RBM26: variants seen among roughly 807,000 people sequenced by gnomAD.
The protein encoded by RBM26 is RNA-binding protein 26.
A neutral mutation model predicts 123.6 loss-of-function variants in RBM26; 30 were observed. That is an observed-to-expected ratio of 0.24 (90% CI 0.18 to 0.33). The LOEUF is 0.33. Among genes scored for constraint, RBM26 ranks in the 10% least tolerant of loss-of-function variants. The pLI is 1.00. For synonymous variants in RBM26, 400 were observed against 404.4 expected, an observed-to-expected ratio of 0.99 and a Z score of 0.13; for missense variants, 947 against 1,203.6, an observed-to-expected ratio of 0.79 and a Z score of 3.15.
chr13:79,331,964 T>C (rs1317499515), intron 20 of RBM26, among the ~76,000 whole-genome samples: 3 of 152,198 alleles, frequency 2.0e-5, no homozygotes. Flanking sequence ...GCTAACAGTG[T>C]TCTGCTTATA....
chr13:79,355,118 G>A, intron 12 of RBM26, 102 bp downstream of exon 12: 1 of 1,029,438 alleles, frequency 9.7e-7, no homozygotes, highest in South Asian at 1.6e-5. Context: ...CAGAACCAGG[G>A]TATGAACTCA....
chr13:79,346,238 C>A (rs1462845287), intron 14 of RBM26, among the ~76,000 whole-genome samples: 1 of 152,044 alleles, frequency 6.6e-6, no homozygotes. Context: ...CATCACAAAT[C>A]GCTATTCTAA....
chr13:79,352,621 T>TA (rs1354290661), intron 14 of RBM26, among the ~76,000 whole-genome samples: 1 of 152,172 alleles, frequency 6.6e-6, no homozygotes, highest in Non-Finnish European at 1.5e-5. Context: ...GTGAAAAACT[T>TA]ACATTTACAT....
intron 20 of RBM26, among the ~76,000 whole-genome samples, chr13:79,332,012 G>T (rs2069504869): frequency 6.6e-6 from 1 of 152,082 alleles, no homozygotes; most frequent in Admixed American, 6.6e-5. Flanking sequence ...TTTTCCTGAG[G>T]AAAACTTCTC....
intron 9 of RBM26, among the ~76,000 whole-genome samples, chr13:79,363,528 T>C (rs1425208291): frequency 1.3e-5 from 2 of 152,092 alleles, no homozygotes; most frequent in African/African-American, 4.8e-5. Context: ...CTAAACTAGC[T>C]AACAAAAATG....
intron 1 of RBM26, among the ~76,000 whole-genome samples, chr13:79,380,496 T>TAA (rs71745215): frequency 0.061 from 8,979 of 147,294 alleles, 305 homozygotes; most frequent in Middle Eastern, 0.23. Context: ...GGAAAGTTTT[T>TAA]AAAAAAAAAA....
At chr13:79,345,028 G>A (rs1187232355) in intron 14 of RBM26, among the ~76,000 whole-genome samples, 1 of 151,796 alleles carries the variant, frequency 6.6e-6, no homozygotes, top group Non-Finnish European at 1.5e-5. Context: ...AGAAAAAAAA[G>A]TAAAGAAAAA....
chr13:79,360,569 C>T (rs143010410), intron 9 of RBM26, among the ~76,000 whole-genome samples: 2 of 151,904 alleles, frequency 1.3e-5, no homozygotes, highest in Non-Finnish European at 2.9e-5. Flanking sequence ...AAATCAAATG[C>T]ACAATCTAAA....
rs573827455 is a variant in RBM26 at position 79,335,462 on chromosome 13, C to A, written c.2734-1032G>T. 2.6e-5 allele frequency among the ~76,000 whole-genome samples: 4 copies of A among 152,140 alleles called. No homozygotes were observed. In the East Asian group the frequency reaches 5.8e-4, roughly 22 times the overall value. ...ATTTTTATTACTATTACTACTGGTA[C>A]TGGAAGATACAGCATTTTTGTTAAT... On this transcript the variant is annotated intron_variant, in intron 19 of 21. Transcript: ENST00000438737.
chr13:79,342,306 T>C (rs1288674692), intron 17 of RBM26, among the ~76,000 whole-genome samples: 1 of 151,838 alleles, frequency 6.6e-6, no homozygotes, highest in Non-Finnish European at 1.5e-5. Flanking sequence ...ATCCACCGTG[T>C]ACGGTGTTGT....
In RBM26 at chr13:79,405,775, C is replaced by G. The variant is rs773429248; in HGVS notation, c.-1G>C. 3.2e-6 allele frequency: 5 copies of G among 1,582,212 alleles called. No homozygotes were observed. The highest frequency in any genetic ancestry group is 1.7e-4 in the Middle Eastern group (1 of 5,956). ...TTTCAATGATCATTTTAGAAACCAT[C>G]CACAGCGGCCCTAAGGCCCGTCACA... is the stretch of plus-strand genomic sequence containing the variant. On this transcript the variant is annotated 5_prime_UTR_variant, in exon 1 of 22. Coordinates refer to ENST00000438737, the MANE Select transcript of RBM26 (RefSeq NM_001366735.2).
At chr13:79,404,235 C>T (rs2140619985) in intron 1 of RBM26, among the ~76,000 whole-genome samples, 1 of 152,268 alleles carries the variant, frequency 6.6e-6, no homozygotes, top group Non-Finnish European at 1.5e-5. Context: ...CTAATATCAC[C>T]CATTCTGTTG....
chr13:79,338,463 T>C (rs1300383609), intron 18 of RBM26, among the ~76,000 whole-genome samples: 1 of 151,962 alleles, frequency 6.6e-6, no homozygotes, highest in Non-Finnish European at 1.5e-5. Context: ...AAGAATGAGG[T>C]AGGGGTTACG....
rs2079503005 is a variant in RBM26, at chr13:79,406,083, CGCTTAGACCCGAGCCTTCTCTCA to C, written c.-332_-310del. 1 of 225,644 alleles carries C rather than the reference CGCTTAGACCCGAGCCTTCTCTCA, an allele frequency of 4.4e-6. No homozygotes were observed. The highest frequency in any genetic ancestry group is 2.3e-5 in the African/African-American group (1 of 43,656). The allele number at this position is 225,644 out of a possible 1,614,324, so 14.0% of individuals were successfully genotyped here. ...CTACCCAGACCGGAAGCGCGACACG[CGCTTAGACCCGAGCCTTCTCTCA>C]GCCTCGGGACCAGGTGCTTGTTGGC... On this transcript the variant is annotated 5_prime_UTR_variant, in exon 1 of 22. Transcript: ENST00000438737.
intron 19 of RBM26, among the ~76,000 whole-genome samples, chr13:79,336,559 G>A (rs1387728565): frequency 6.6e-6 from 1 of 152,124 alleles, no homozygotes; most frequent in Non-Finnish European, 1.5e-5. Context: ...GGAAGTCCAA[G>A]TTAAATAATG....
chr13:79,399,361 A>T (rs567451150), intron 1 of RBM26, among the ~76,000 whole-genome samples: 1 of 152,326 alleles, frequency 6.6e-6, no homozygotes, highest in East Asian at 1.9e-4. Context: ...AATGTATAAC[A>T]ATTAACATAT....
At chr13:79,359,149 G>A (rs7332913) in intron 10 of RBM26, among the ~76,000 whole-genome samples, 76,680 of 151,848 alleles carry the variant, frequency 0.5, 19,756 homozygotes, top group Middle Eastern at 0.59. Context: ...ACCATTCAAT[G>A]CCTAGACAGC....
chr13:79,359,685 T>A lies in RBM26; in HGVS notation c.1419A>T (p.Glu473Asp). The A allele has an allele frequency of 6.6e-7, 1 of 1,517,900 alleles. No individual in the cohort carries two copies. Among genetic ancestry groups the A allele is most frequent in the Non-Finnish European group, 8.9e-7 (1 of 1,128,724 alleles). 94.0% of individuals were successfully genotyped at this position (1,517,900 alleles called of 1,614,324 possible). A position where few individuals can be genotyped will look rare whatever the true frequency, so the allele number is the denominator to read the frequency against. The change falls in exon 10 of 22, where the codon GAA (glutamate) becomes GAT (aspartate). Residue 473 changes from glutamate to aspartate, a missense_variant and splice_region_variant. By Grantham distance (45) the Glu-to-Asp change is conservative. This residue lies in a region of RBM26 where 493 missense variants were observed against 563.1 expected (regional missense o/e 0.88). Transcript: ENST00000438737. Reference sequence around the variant, plus strand: ...TCATACTGCTTTTATTGGGAGGCTTTTCTGTTTTAAAACAAAAGAAAATGA... The same window carrying A: ...TCATACTGCTTTTATTGGGAGGCTTATCTGTTTTAAAACAAAAGAAAATGA... ...TSGDMDLPPR[E>D]KPPNKSSMRI...
chr13:79,377,508 C>A lies in RBM26; in HGVS notation c.198G>T (p.Gln66His), dbSNP rs148317097. The change falls in exon 3 of 22, where the codon CAG becomes CAT. Residue 66 changes from glutamine (Q) to histidine (H), a missense_variant. This residue lies in a region of RBM26 where 275 missense variants were observed against 361.0 expected (regional missense o/e 0.76). Transcript: ENST00000438737. ...QLDVFLQKET[Q>H]IFVEKLFDAV... ...CATCAAAAAGTTTTTCCACAAATAT[C>A]TGTGTCTCTAAAAATAAAACCAAAC... The A allele has an allele frequency of 2.5e-6, 4 of 1,608,570 alleles. No individual in the cohort carries two copies. In the African/African-American group the frequency reaches 4.0e-5, roughly 16 times the overall value.
Sources: allele counts gnomAD v4.1 joint callset (sites outside exome capture counted in the v4.1 genomes callset), GRCh38; gene constraint gnomAD v4.1.1; regional missense constraint gnomAD v4.1.1; transcripts MANE v1.5; gene names NCBI Gene and HGNC (gene_info 2026-07-23, HGNC 2026-07-21).